The following EYS variants were observed in gnomAD, a reference collection of about 807,000 sequenced individuals.
The protein encoded by EYS is EGF-like photoreceptor maintenance factor.
Under a neutral mutation model 282.1 loss-of-function variants are expected in EYS, and 250 were observed. The ratio of observed to expected loss-of-function variants is 0.89; its 90% CI spans 0.80 to 0.98. The LOEUF is 0.98. Ranked by LOEUF, EYS falls within the 50% of genes least tolerant of loss-of-function variation. The pLI, the probability that EYS is intolerant of heterozygous loss-of-function variation, is 0.00. For missense variants in EYS, 4,016 were observed against 3,709.0 expected (o/e 1.08, Z -2.15); for synonymous variants, 1,355 against 1,282.9 (o/e 1.06, Z -1.20).
intron 29 of EYS, among the ~76,000 whole-genome samples, chr6:64,372,000 T>A (rs1772389193): frequency 6.6e-6 from 1 of 152,296 alleles, no homozygotes; most frequent in East Asian, 1.9e-4. Context: ...TTGAAGCATT[T>A]AGACTGTTCA....
chr6:63,831,503 A>C (rs746062002), intron 36 of EYS, among the ~76,000 whole-genome samples: 2 of 152,246 alleles, frequency 1.3e-5, no homozygotes, highest in Non-Finnish European at 2.9e-5. Context: ...TCAATTCAAC[A>C]AAAAGAGCTA....
chr6:65,067,785 A>G (rs1297665127), intron 12 of EYS, among the ~76,000 whole-genome samples: 3 of 152,110 alleles, frequency 2.0e-5, no homozygotes, highest in African/African-American at 7.2e-5. Flanking sequence ...CAAACTCACC[A>G]TGTTTTTAAA....
In EYS at chr6:64,085,021, G is replaced by GT. The variant is rs528218906; in HGVS notation, c.6425-3020dup. Among the ~76,000 whole-genome samples the GT allele has an allele frequency of 7.7e-3, 1,175 of 151,784 alleles. 10 individuals are homozygous for GT. The highest frequency in any genetic ancestry group is 0.037 in the South Asian group (176 of 4,796). ...ACTCTGTCTCTGTTTTTCTTCTGTT[G>GT]TTTTTTTTGAGACAGAGTCTTGTTC... is the stretch of plus-strand genomic sequence containing the variant. On this transcript the variant is annotated intron_variant, in intron 31 of 42. Coordinates refer to ENST00000503581, the MANE Select transcript of EYS (RefSeq NM_001142800.2).
chr6:64,862,126 C>T (rs1463340323), intron 19 of EYS, among the ~76,000 whole-genome samples: 1 of 152,204 alleles, frequency 6.6e-6, no homozygotes, highest in Non-Finnish European at 1.5e-5. Flanking sequence ...TCATCTCACT[C>T]TCTTTCTACT....
At chr6:64,685,008 A>T (rs1327389732) in intron 22 of EYS, among the ~76,000 whole-genome samples, 1 of 152,124 alleles carries the variant, frequency 6.6e-6, no homozygotes, top group Non-Finnish European at 1.5e-5. Flanking sequence ...CAAATAGATA[A>T]GTCTCAACTA....
At chr6:63,996,398 T>A (rs951994454) in intron 34 of EYS, among the ~76,000 whole-genome samples, 4 of 152,054 alleles carry the variant, frequency 2.6e-5, no homozygotes, top group Non-Finnish European at 5.9e-5. Flanking sequence ...ATAATGTGTA[T>A]ATAATTAACA....
intron 29 of EYS, among the ~76,000 whole-genome samples, chr6:64,361,859 T>C (rs1221323916): frequency 3.3e-5 from 5 of 151,866 alleles, no homozygotes; most frequent in Non-Finnish European, 5.9e-5. Context: ...GATGTGTACA[T>C]GGAAATGACA....
intron 14 of EYS, among the ~76,000 whole-genome samples, chr6:64,997,045 C>G (rs1229646894): frequency 6.6e-6 from 1 of 152,010 alleles, no homozygotes; most frequent in Non-Finnish European, 1.5e-5. Context: ...AAATCAATTG[C>G]CAACCATGTC....
chr6:63,890,523 A>G (rs1220789733), intron 35 of EYS, among the ~76,000 whole-genome samples: 2 of 152,252 alleles, frequency 1.3e-5, no homozygotes, highest in East Asian at 3.8e-4. Flanking sequence ...TTAAGGCAGA[A>G]ATAAATAAGT....
At position 65,437,246 on chromosome 6, in the gene EYS, T is replaced by C. The variant is rs1054020371; in HGVS notation, c.863-31879A>G. ...AGCAATATCCTAACAACTGCAGTTA[T>C]GGGTGTGCTCAGTGTCAAAAATTAA... On this transcript the variant is annotated intron_variant, in intron 5 of 42. Transcript: ENST00000503581. Among the ~76,000 whole-genome samples, 11 of 152,160 alleles carry C rather than the reference T, an allele frequency of 7.2e-5. 1 individual carries two copies. The highest frequency in any genetic ancestry group is 1.5e-4 in the Non-Finnish European group (10 of 68,014).
At chr6:65,645,007 G>T in intron 1 of EYS, among the ~76,000 whole-genome samples, 1 of 152,074 alleles carries the variant, frequency 6.6e-6, no homozygotes, top group East Asian at 1.9e-4. Flanking sequence ...AACAAACAAG[G>T]TATTCAGGCA....
chr6:65,373,186 A>G (rs970352657), intron 8 of EYS, among the ~76,000 whole-genome samples: 6 of 152,086 alleles, frequency 3.9e-5, no homozygotes, highest in African/African-American at 9.7e-5. Flanking sequence ...GTGAATTCCA[A>G]ATCCATTCTT....
intron 33 of EYS, among the ~76,000 whole-genome samples, chr6:64,048,910 C>T (rs1770718303): frequency 6.6e-6 from 1 of 151,966 alleles, no homozygotes; most frequent in Admixed American, 6.6e-5. Flanking sequence ...ATTCTTTTCC[C>T]CCCCTAGATG....
At chr6:65,601,861 C>T (rs888659939) in intron 2 of EYS, among the ~76,000 whole-genome samples, 1 of 151,816 alleles carries the variant, frequency 6.6e-6, no homozygotes, top group Non-Finnish European at 1.5e-5. Flanking sequence ...ATAGAAATAT[C>T]AAAACATATA....
chr6:64,430,527 G>A (rs1352543013), intron 28 of EYS, among the ~76,000 whole-genome samples: 1 of 152,104 alleles, frequency 6.6e-6, no homozygotes, highest in African/African-American at 2.4e-5. Flanking sequence ...AAGATTAAAA[G>A]AAATATGAGC....
chr6:65,391,277 T>C (rs947683873), intron 7 of EYS, among the ~76,000 whole-genome samples: 3 of 152,118 alleles, frequency 2.0e-5, no homozygotes, highest in Non-Finnish European at 4.4e-5. Context: ...CAAAAGCTAC[T>C]CTTGATGAGA....
chr6:64,544,586 G>A (rs112142812), intron 26 of EYS, among the ~76,000 whole-genome samples: 1,900 of 152,126 alleles, frequency 0.012, 40 homozygotes, highest in African/African-American at 0.043. Flanking sequence ...CCAGCAGCTG[G>A]TTTTTTGAAA....
rs56891791 is a variant in EYS at position 63,880,487 on chromosome 6, G to GTATCTATCTATCTATCTATCTATC, written c.7056-16153_7056-16130dup. 1.8e-3 allele frequency among the ~76,000 whole-genome samples: 253 copies of GTATCTATCTATCTATCTATCTATC among 142,874 alleles called. 1 individual carries two copies. The highest frequency in any genetic ancestry group is 3.5e-3 in the Middle Eastern group (1 of 284). 93.7% of individuals were successfully genotyped at this position (142,874 alleles called of 152,430 possible). On this transcript the variant is annotated intron_variant, in intron 35 of 42. Coordinates refer to ENST00000503581, the MANE Select transcript of EYS (RefSeq NM_001142800.2). ...TATCTGTCTGTCTGTCTGTCTGTCT[G>GTATCTATCTATCTATCTATCTATC]TATCTATCTATCTATCTATCTATCT...
rs146492846 is a variant in EYS at position 65,232,413 on chromosome 6, A to C, written c.2023+63450T>G. The stretch of plus-strand genomic sequence containing the variant: ...TCCTCAAAAGTGACTACTTTCTTAT[A>C]ATTAATCTTTCAATTATTTTCCAAA... On this transcript the variant is annotated intron_variant, in intron 12 of 42. Transcript: ENST00000503581. 8.2e-3 allele frequency among the ~76,000 whole-genome samples: 1,222 copies of C among 148,550 alleles called. 10 individuals carry two copies. Among genetic ancestry groups the C allele is most frequent in the Non-Finnish European group, 0.012 (782 of 67,882 alleles).
Sources: gnomAD v4.1 joint callset for allele counts (sites outside exome capture counted in the v4.1 genomes callset) on GRCh38, gnomAD v4.1.1 for gene constraint, MANE v1.5 for transcripts, NCBI Gene and HGNC (gene_info 2026-07-23, HGNC 2026-07-21) for gene names.